The following PARD3B variants were observed in gnomAD, a reference collection of about 807,000 sequenced individuals.
The protein encoded by PARD3B is partitioning defective 3 homolog B.
In PARD3B, 103 loss-of-function variants were observed where a neutral mutation model predicts 130.2. The observed-to-expected ratio is 0.79, with a 90% CI of 0.67 to 0.93. The LOEUF is 0.93. Among genes scored for constraint, PARD3B ranks in the 40% least tolerant of loss-of-function variants. The probability of loss-of-function intolerance (pLI) is 0.00; values close to 1 mark genes in which losing one functional copy is unlikely to be tolerated. For synonymous variants in PARD3B, 583 were observed against 553.2 expected (o/e 1.05, Z -0.76); for missense variants, 1,609 against 1,499.2 (o/e 1.07, Z -1.21).
chr2:205,602,000 T>C (rs2054805954), intron 22 of PARD3B, among the ~76,000 whole-genome samples: 1 of 152,334 alleles, frequency 6.6e-6, no homozygotes, highest in Middle Eastern at 3.4e-3. Context: ...CAGTATGATA[T>C]TGGCTGTGGG....
Position 204,799,381 on chromosome 2 carries a change from G to T in PARD3B, c.222+113099G>T, listed in dbSNP as rs1199576542. ...ATAGAGCACCAGGTAGATTCCTAAG[G>T]TTTCTGACTCCAGGTGCTGGCTTCT... is the stretch of plus-strand genomic sequence containing the variant. On this transcript the variant is annotated intron_variant, in intron 2 of 22. Transcript: ENST00000406610. The surrounding 1 kb of genome is among the most constrained non-coding windows in gnomAD (Gnocchi z 4.1). 6.6e-6 allele frequency among the ~76,000 whole-genome samples: 1 copy of T among 152,168 alleles called. No homozygotes were observed. Among genetic ancestry groups the T allele is most frequent in the Non-Finnish European group, 1.5e-5 (1 of 68,020 alleles).
intron 2 of PARD3B, among the ~76,000 whole-genome samples, chr2:204,896,894 T>G (rs990059498): frequency 6.6e-6 from 1 of 152,160 alleles, no homozygotes; most frequent in Admixed American, 6.5e-5. Context: ...AAAGTAAAAA[T>G]TGCCTGGTAT....
chr2:204,914,076 C>G (rs991938810), intron 2 of PARD3B, among the ~76,000 whole-genome samples: 4 of 152,168 alleles, frequency 2.6e-5, no homozygotes, highest in Non-Finnish European at 4.4e-5. Context: ...AACTGGCCTG[C>G]ACGCTGGGAG....
intron 2 of PARD3B, 146 bp from the exon 3 acceptor site, chr2:204,965,006 T>G: frequency 1.6e-6 from 1 of 611,512 alleles, no homozygotes. Context: ...ATTGAAAAAT[T>G]AAGAGTTGTG....
chr2:205,172,900 T>G (rs1263810267), intron 12 of PARD3B, among the ~76,000 whole-genome samples: 2 of 152,154 alleles, frequency 1.3e-5, no homozygotes, highest in Non-Finnish European at 2.9e-5. Flanking sequence ...TTATTATTTT[T>G]TATAAGTTTT....
intron 2 of PARD3B, among the ~76,000 whole-genome samples, chr2:204,852,315 A>G (rs764205400): frequency 3.3e-5 from 5 of 152,044 alleles, no homozygotes; most frequent in African/African-American, 9.7e-5. Flanking sequence ...ATGTGTATGT[A>G]TAGAGGCTTG....
At chr2:205,060,395 C>T (rs1299489228) in intron 4 of PARD3B, among the ~76,000 whole-genome samples, 1 of 152,080 alleles carries the variant, frequency 6.6e-6, no homozygotes, top group African/African-American at 2.4e-5. Flanking sequence ...GCATTTAAGA[C>T]ATTCATATTC....
intron 2 of PARD3B, among the ~76,000 whole-genome samples, chr2:204,815,081 T>G (rs2043098821): frequency 6.6e-6 from 1 of 151,958 alleles, no homozygotes; most frequent in South Asian, 2.1e-4. Context: ...AGAATGAGTC[T>G]TGACTTATTT....
At chr2:205,043,248 GCTTTTTAAGCAGACGAGATAA>G (rs1698515130) in intron 3 of PARD3B, among the ~76,000 whole-genome samples, 1 of 151,896 alleles carries the variant, frequency 6.6e-6, no homozygotes, top group Non-Finnish European at 1.5e-5. Context: ...CAAGAGCCTG[GCTTTTTAAGCAGACGAGATAA>G]CACAGCTCAC....
In PARD3B at chr2:205,125,198, C is replaced by T. The variant is rs898098370; in HGVS notation, c.1306-411C>T. On this transcript the variant is annotated intron_variant, in intron 9 of 22. Coordinates refer to ENST00000406610, the MANE Select transcript of PARD3B (RefSeq NM_001302769.2). The surrounding 1 kb of genome is among the most constrained non-coding windows in gnomAD (Gnocchi z 4.0). ...TATAATTTTCTAAATATGTTTAAAA[C>T]CTGCAGGATTCTATTGCTAGGTTCG... is the stretch of plus-strand genomic sequence containing the variant. Among the ~76,000 whole-genome samples the T allele has an allele frequency of 3.9e-5, 6 of 152,136 alleles. No individual in the cohort carries two copies. The highest frequency in any genetic ancestry group is 1.4e-4 in the African/African-American group (6 of 41,426).
chr2:204,577,820 G>A (rs575665863), intron 1 of PARD3B, among the ~76,000 whole-genome samples: 13 of 151,874 alleles, frequency 8.6e-5, no homozygotes, highest in Non-Finnish European at 1.8e-4. Flanking sequence ...CTCCCACCTT[G>A]GCCTCCCAAA....
rs1174759116 is a variant in PARD3B, at chr2:205,470,474, A to G, written c.3045-29422A>G. 6.6e-6 allele frequency among the ~76,000 whole-genome samples: 1 copy of G among 151,980 alleles called. No individual in the cohort carries two copies. The highest frequency in any genetic ancestry group is 1.5e-5 in the Non-Finnish European group (1 of 68,002). On this transcript the variant is annotated intron_variant, in intron 20 of 22. Coordinates refer to ENST00000406610, the MANE Select transcript of PARD3B (RefSeq NM_001302769.2). This position sits in a 1 kb window ranked among gnomAD's most constrained non-coding sequence, Gnocchi z 4.8. ...ACCCCTGCAGGAGTATTTAAGCTTA[A>G]CCCCAGATTTCAGGAGTTAGAGCAT...
At chr2:205,012,429 G>A (rs960538627) in intron 3 of PARD3B, among the ~76,000 whole-genome samples, 15 of 152,136 alleles carry the variant, frequency 9.9e-5, no homozygotes, top group African/African-American at 3.1e-4. Context: ...AATGTTAGCA[G>A]ACTAATCAGC....
intron 2 of PARD3B, among the ~76,000 whole-genome samples, chr2:204,718,988 TGG>T (rs2038869200): frequency 6.6e-6 from 1 of 152,184 alleles, no homozygotes; most frequent in Non-Finnish European, 1.5e-5. Context: ...GACACATTGG[TGG>T]GATTTACAAC....
intron 2 of PARD3B, among the ~76,000 whole-genome samples, chr2:204,849,890 G>A (rs1215696595): frequency 6.6e-6 from 1 of 152,088 alleles, no homozygotes; most frequent in Non-Finnish European, 1.5e-5. Context: ...TTGTCATTTA[G>A]TATTTCTAGA....
In PARD3B at chr2:204,592,133, T is replaced by C. The variant is rs892407776; in HGVS notation, c.120+46014T>C. 2.6e-5 allele frequency among the ~76,000 whole-genome samples: 4 copies of C among 152,238 alleles called. 1 individual carries two copies. Among genetic ancestry groups the C allele is most frequent in the Non-Finnish European group, 4.4e-5 (3 of 68,038 alleles). ...ACTGGTGACCCCTCAGTGACCTTTG[T>C]AGGAGATGGCTGGAGGCCAAAGGTC... On this transcript the variant is annotated intron_variant, in intron 1 of 22. Coordinates refer to ENST00000406610, the MANE Select transcript of PARD3B (RefSeq NM_001302769.2).
chr2:204,914,549 A>G (rs1369769815), intron 2 of PARD3B, among the ~76,000 whole-genome samples: 1 of 152,194 alleles, frequency 6.6e-6, no homozygotes, highest in African/African-American at 2.4e-5. Flanking sequence ...AATGAAAGCA[A>G]TCTCCAATGA....
chr2:204,642,495 T>G (rs1476964098), intron 1 of PARD3B, among the ~76,000 whole-genome samples: 2 of 152,150 alleles, frequency 1.3e-5, no homozygotes, highest in Non-Finnish European at 2.9e-5. Context: ...TAGAAAACTT[T>G]TAGAATTGGT....
chr2:204,966,761 C>T (rs1412885137), intron 3 of PARD3B, among the ~76,000 whole-genome samples: 1 of 152,164 alleles, frequency 6.6e-6, no homozygotes, highest in Admixed American at 6.5e-5. Context: ...CGAGATTCCC[C>T]TTCTTTGAAA....
Sources: gnomAD v4.1 joint callset for allele counts (sites outside exome capture counted in the v4.1 genomes callset) on GRCh38, gnomAD v4.1.1 for gene constraint, Gnocchi (gnomAD v3.1) non-coding constraint, MANE v1.5 for transcripts, NCBI Gene and HGNC (gene_info 2026-07-23, HGNC 2026-07-21) for gene names.